The following PCDH11X variants were observed in gnomAD, a reference collection of about 807,000 sequenced individuals.
PCDH11X encodes the protein protocadherin 11 X-linked.
A neutral mutation model predicts 53.3 loss-of-function variants in PCDH11X; 18 were observed. The ratio of observed to expected loss-of-function variants is 0.34; its 90% CI spans 0.23 to 0.50. The LOEUF (loss-of-function observed/expected upper bound fraction) is 0.50, where lower values mean the gene tolerates loss of function less well. Among genes scored for constraint, PCDH11X ranks in the 20% least tolerant of loss-of-function variants. The pLI, the probability that PCDH11X is intolerant of heterozygous loss-of-function variation, is 0.98. For synonymous variants in PCDH11X, 279 were observed against 393.3 expected, an observed-to-expected ratio of 0.71 and a Z score of 3.44; for missense variants, 570 against 1,032.4, an observed-to-expected ratio of 0.55 and a Z score of 6.14.
intron 8 of PCDH11X, among the ~76,000 whole-genome samples, chrX:92,276,279 C>T (rs766287083): frequency 6.5e-5 from 7 of 107,073 alleles, no homozygotes; most frequent in South Asian, 8.6e-4. Context: ...ACCTGAAGCT[C>T]GGCATCCGTG....
At chrX:92,450,805 G>A (rs2072763009) in intron 9 of PCDH11X, among the ~76,000 whole-genome samples, 1 of 107,933 alleles carries the variant, frequency 9.3e-6, no homozygotes, top group South Asian at 4.2e-4. Context: ...AATAGCAAAT[G>A]CAGCTCATGT....
intron 9 of PCDH11X, among the ~76,000 whole-genome samples, chrX:92,399,899 GC>G (rs1302430264): frequency 1.3e-5 from 1 of 78,847 alleles, no homozygotes; most frequent in Non-Finnish European, 2.4e-5. Context: ...TGGCCACCAC[GC>G]CCGGCTAATT....
intron 6 of PCDH11X, among the ~76,000 whole-genome samples, chrX:91,922,530 C>T (rs1429738770): frequency 9.0e-6 from 1 of 111,696 alleles, no homozygotes; most frequent in Non-Finnish European, 1.9e-5. Flanking sequence ...AATGAAGCTT[C>T]GTCTGTATTT....
At chrX:92,029,676 G>A (rs2525231) in intron 6 of PCDH11X, among the ~76,000 whole-genome samples, 37,531 of 108,752 alleles carry the variant, frequency 0.35, 6,983 homozygotes, top group African/African-American at 0.65. Flanking sequence ...ACTTTTTGCA[G>A]AGAAATGGGG....
chrX:92,159,562 A>T (rs2148255618), intron 6 of PCDH11X, among the ~76,000 whole-genome samples: 1 of 108,908 alleles, frequency 9.2e-6, no homozygotes, highest in Admixed American at 1.0e-4. Context: ...ATAAAGGGAA[A>T]TTTTCTAGAA....
chrX:92,187,776 G>T (rs1167300325), intron 6 of PCDH11X, among the ~76,000 whole-genome samples: 1 of 111,634 alleles, frequency 9.0e-6, no homozygotes, highest in African/African-American at 3.3e-5. Flanking sequence ...TTTGTACCCT[G>T]GAATGAAGGT....
At chrX:92,497,079 G>A (rs184837487) in intron 10 of PCDH11X, among the ~76,000 whole-genome samples, 229 of 111,914 alleles carry the variant, frequency 2.0e-3, no homozygotes, top group Non-Finnish European at 3.9e-3. Flanking sequence ...CTTCAGTATG[G>A]CACTTGAGCT....
intron 8 of PCDH11X, among the ~76,000 whole-genome samples, chrX:92,301,661 G>GTTTT (rs2068725512): frequency 9.2e-6 from 1 of 109,063 alleles, no homozygotes; most frequent in Non-Finnish European, 1.9e-5. Context: ...GTTTTGTTTT[G>GTTTT]TTTTGTTTTG....
At position 92,012,038 on chromosome X, in the gene PCDH11X, A is replaced by T. The variant is rs56248214; in HGVS notation, c.3033+132765A>T. On this transcript the variant is annotated intron_variant, in intron 6 of 10. Transcript: ENST00000682573. ...TATGTGATAGTTTTTTCAAAAGTCA[A>T]TCTTGACATATGGGGCCATTACAGC... Among the ~76,000 whole-genome samples, 446 of 111,168 alleles carry T rather than the reference A, an allele frequency of 4.0e-3. 1 individual carries two copies. Among genetic ancestry groups the T allele is most frequent in the African/African-American group, 0.014 (425 of 30,713 alleles).
At chrX:91,991,833 A>ATT (rs910253753) in intron 6 of PCDH11X, among the ~76,000 whole-genome samples, 10 of 106,800 alleles carry the variant, frequency 9.4e-5, no homozygotes, top group Non-Finnish European at 1.7e-4. Flanking sequence ...TTTTTTTTGC[A>ATT]TTTCAAGAAA....
At chrX:92,429,342 C>T (rs1171839859) in intron 9 of PCDH11X, among the ~76,000 whole-genome samples, 1 of 109,690 alleles carries the variant, frequency 9.1e-6, no homozygotes, top group Non-Finnish European at 1.9e-5. Flanking sequence ...TCCTACAGAA[C>T]CACACTGACC....
At chrX:92,227,930 A>T (rs1454063476) in intron 7 of PCDH11X, among the ~76,000 whole-genome samples, 2 of 88,376 alleles carry the variant, frequency 2.3e-5, no homozygotes, top group Non-Finnish European at 2.2e-5. Flanking sequence ...TGAAACATGT[A>T]TGCATTAAGT....
intron 10 of PCDH11X, among the ~76,000 whole-genome samples, chrX:92,470,020 T>G (rs1374902332): frequency 9.2e-6 from 1 of 109,208 alleles, no homozygotes; most frequent in East Asian, 2.9e-4. Context: ...ACAATATTTA[T>G]TTTTCCACAT....
intron 8 of PCDH11X, among the ~76,000 whole-genome samples, chrX:92,336,983 A>G (rs1333304129): frequency 9.0e-6 from 1 of 111,050 alleles, no homozygotes; most frequent in Admixed American, 9.6e-5. Context: ...TCCCACTCCA[A>G]GTGACATCAG....
intron 6 of PCDH11X, among the ~76,000 whole-genome samples, chrX:92,030,012 G>C (rs112108841): frequency 0.034 from 3,770 of 112,055 alleles, 153 homozygotes; most frequent in African/African-American, 0.12. Flanking sequence ...GGCCAGGCTA[G>C]AGTGCAGTGG....
At chrX:92,016,798 T>C in intron 6 of PCDH11X, among the ~76,000 whole-genome samples, 1 of 111,869 alleles carries the variant, frequency 8.9e-6, no homozygotes, top group Middle Eastern at 4.7e-3. Context: ...CTTTCAATTT[T>C]CTTCAAGAAC....
chrX:92,382,085 G>A (rs1307085852), intron 8 of PCDH11X, among the ~76,000 whole-genome samples: 2 of 111,315 alleles, frequency 1.8e-5, no homozygotes, highest in Admixed American at 9.6e-5. Context: ...GTACCTATGG[G>A]AAAAAAATGC....
intron 4 of PCDH11X, among the ~76,000 whole-genome samples, chrX:91,824,557 A>G (rs1602301327): frequency 3.7e-5 from 4 of 107,442 alleles, no homozygotes; most frequent in Middle Eastern, 4.7e-3. Flanking sequence ...TGTATTGGTT[A>G]TTCTAGTTAT....
intron 6 of PCDH11X, chrX:91,983,432 C>T: frequency 2.9e-6 from 2 of 691,499 alleles, no homozygotes; most frequent in Non-Finnish European, 2.3e-6. Context: ...CATTATTAAG[C>T]CAAATCCATA....
Sources: gnomAD v4.1 joint callset for allele counts (sites outside exome capture counted in the v4.1 genomes callset) on GRCh38, gnomAD v4.1.1 for gene constraint, MANE v1.5 for transcripts, NCBI Gene and HGNC (gene_info 2026-07-23, HGNC 2026-07-21) for gene names.